Variants in AFF3 observed in about 807,000 individuals in gnomAD.
AFF3 encodes AF4/FMR2 family member 3.
Under a neutral mutation model 129.7 loss-of-function variants are expected in AFF3, and 32 were observed. The observed-to-expected ratio is 0.25, with a 90% CI of 0.19 to 0.33. AFF3 has a LOEUF of 0.33. Among genes scored for constraint, AFF3 ranks in the 10% least tolerant of loss-of-function variants. The pLI, the probability that AFF3 is intolerant of heterozygous loss-of-function variation, is 1.00. For missense variants in AFF3, 1,373 were observed against 1,592.0 expected, an observed-to-expected ratio of 0.86 and a Z score of 2.34; for synonymous variants, 644 against 635.4, an observed-to-expected ratio of 1.01 and a Z score of -0.20.
At chr2:99,822,026 A>G (rs1687726470) in intron 8 of AFF3, among the ~76,000 whole-genome samples, 1 of 152,164 alleles carries the variant, frequency 6.6e-6, no homozygotes, top group African/African-American at 2.4e-5. Context: ...TTTTGGAAAT[A>G]TTGATATTTT....
chr2:100,045,570 T>G (rs1559083730), intron 4 of AFF3, among the ~76,000 whole-genome samples: 3 of 151,890 alleles, frequency 2.0e-5, no homozygotes, highest in Non-Finnish European at 4.4e-5. Flanking sequence ...TTGTAGGTTT[T>G]TTTTTTTTTT....
intron 13 of AFF3, among the ~76,000 whole-genome samples, chr2:99,628,723 A>AT (rs3073407): frequency 1.9e-4 from 18 of 92,398 alleles, no homozygotes; most frequent in East Asian, 1.7e-3. Flanking sequence ...TGCTTGACTG[A>AT]TTTTTTTTTT....
At chr2:99,920,679 T>C (rs148232170) in intron 7 of AFF3, among the ~76,000 whole-genome samples, 321 of 152,076 alleles carry the variant, frequency 2.1e-3, no homozygotes, top group Non-Finnish European at 3.8e-3. Flanking sequence ...CAACATTGTA[T>C]TGGAGGTCCC....
chr2:100,079,071 C>G (rs1325814989), intron 4 of AFF3, among the ~76,000 whole-genome samples: 2 of 151,754 alleles, frequency 1.3e-5, no homozygotes, highest in Admixed American at 1.3e-4. Flanking sequence ...CTCAGCCTCC[C>G]GAGTAGCTGA....
At chr2:99,569,033 TTAAG>T (rs1290962742) in intron 18 of AFF3, 118 bp from the exon 19 acceptor site, 8 of 961,872 alleles carry the variant, frequency 8.3e-6, no homozygotes, top group African/African-American at 4.9e-5. Flanking sequence ...TAATGCGGAA[TTAAG>T]TGTGTTTTTT....
At chr2:99,869,272 A>G (rs1691677531) in intron 7 of AFF3, among the ~76,000 whole-genome samples, 2 of 152,214 alleles carry the variant, frequency 1.3e-5, no homozygotes, top group South Asian at 2.1e-4. Flanking sequence ...CTTCCCAGAA[A>G]ATACCCAACA....
chr2:99,902,040 T>G (rs1694380381), intron 7 of AFF3, among the ~76,000 whole-genome samples: 1 of 151,318 alleles, frequency 6.6e-6, no homozygotes, highest in African/African-American at 2.4e-5. Context: ...TGTAATTTTC[T>G]CCTACTTAGA....
Position 99,561,989 on chromosome 2 carries a change from C to T in AFF3, c.3120-1553G>A, listed in dbSNP as rs146989474. Among the ~76,000 whole-genome samples the T allele has an allele frequency of 5.0e-4, 76 of 152,272 alleles. 2 individuals carry two copies. The East Asian group carries it at 0.013, about 27-fold the overall frequency. On this transcript the variant is annotated intron_variant, in intron 20 of 24. Coordinates refer to ENST00000672756, the MANE Select transcript of AFF3 (RefSeq NM_001386135.1). The stretch of plus-strand genomic sequence containing the variant: ...TTCTTTGAACCCTTGGAAACTGTCA[C>T]GCCACTCCCTCCCAGCCTGCATGGT...
At chr2:100,082,854 G>A (rs1010877545) in intron 4 of AFF3, among the ~76,000 whole-genome samples, 2 of 152,164 alleles carry the variant, frequency 1.3e-5, no homozygotes, top group African/African-American at 4.8e-5. Context: ...GCCAAGGCAG[G>A]CAGATCACCT....
intron 8 of AFF3, among the ~76,000 whole-genome samples, chr2:99,831,410 A>C (rs1688510239): frequency 6.6e-6 from 1 of 152,254 alleles, no homozygotes; most frequent in Non-Finnish European, 1.5e-5. Flanking sequence ...AATAAAGTTA[A>C]CAAATGACAT....
chr2:100,041,592 T>C (rs532593008), intron 4 of AFF3, among the ~76,000 whole-genome samples: 21 of 152,300 alleles, frequency 1.4e-4, no homozygotes, highest in African/African-American at 5.1e-4. Context: ...TGCTGACGTG[T>C]CATATTTTGA....
rs749652366 is a variant in AFF3, at chr2:100,006,806, C to A, written c.699G>T (p.Ala233=). ...KPSLVQQKPT[A]YVRPMDGQDQ... ...CTTGGCCGTCCATTGGCCTCACATA[C>A]GCGGTCGGTTTCTGCTGGACCAGGC... The change falls in exon 7 of 25, where the codon GCG becomes GCT. Residue 233 remains alanine, a synonymous_variant. Coordinates refer to ENST00000672756, the MANE Select transcript of AFF3 (RefSeq NM_001386135.1). 1 of 1,614,094 alleles carries A rather than the reference C, an allele frequency of 6.2e-7. No individual in the cohort carries two copies. The highest frequency in any genetic ancestry group is 8.5e-7 in the Non-Finnish European group (1 of 1,180,052).
At chr2:100,086,329 TG>T (rs1689427943) in intron 4 of AFF3, among the ~76,000 whole-genome samples, 1 of 151,680 alleles carries the variant, frequency 6.6e-6, no homozygotes. Flanking sequence ...GAGACCATCC[TG>T]GCCAACAAGG....
At chr2:99,665,603 A>C (rs961312613) in intron 12 of AFF3, among the ~76,000 whole-genome samples, 8 of 152,258 alleles carry the variant, frequency 5.3e-5, no homozygotes, top group African/African-American at 1.7e-4. Flanking sequence ...ATCCAAGTGG[A>C]AAAGTAAAGT....
At chr2:99,934,682 G>T (rs1674361757) in intron 7 of AFF3, among the ~76,000 whole-genome samples, 1 of 152,172 alleles carries the variant, frequency 6.6e-6, no homozygotes, top group South Asian at 2.1e-4. Context: ...AGAAGCCACT[G>T]GGAAGGGGCA....
chr2:99,793,230 T>C (rs1685321123), intron 8 of AFF3, among the ~76,000 whole-genome samples: 1 of 152,212 alleles, frequency 6.6e-6, no homozygotes, highest in Non-Finnish European at 1.5e-5. Context: ...CAGCTCCCTC[T>C]CAATGTGACA....
At chr2:100,093,124 T>C (rs1453212930) in intron 4 of AFF3, among the ~76,000 whole-genome samples, 1 of 152,102 alleles carries the variant, frequency 6.6e-6, no homozygotes, top group Admixed American at 6.5e-5. Flanking sequence ...TTTTTCTTTC[T>C]GAGACAAGGT....
At position 99,866,847 on chromosome 2, in the gene AFF3, G is replaced by A. The variant is rs375099768; in HGVS notation, c.874-29323C>T. ...CAAAATTAGCTGGGTGTGGTGGCAC[G>A]CACCTCTAATCCCAGCTACTTGGGA... On this transcript the variant is annotated intron_variant, in intron 7 of 24. Coordinates refer to ENST00000672756, the MANE Select transcript of AFF3 (RefSeq NM_001386135.1). Among the ~76,000 whole-genome samples, 84 of 151,486 alleles carry A rather than the reference G, an allele frequency of 5.5e-4. 2 individuals carry two copies. The East Asian group carries it at 0.013, about 24-fold the overall frequency.
intron 11 of AFF3, among the ~76,000 whole-genome samples, chr2:99,675,932 T>C (rs1687565466): frequency 6.6e-6 from 1 of 150,818 alleles, no homozygotes; most frequent in Non-Finnish European, 1.5e-5. Flanking sequence ...AAAAGGAAGA[T>C]GCAAATTAAG....
Sources: gnomAD v4.1 joint callset for allele counts (sites outside exome capture counted in the v4.1 genomes callset) on GRCh38, gnomAD v4.1.1 for gene constraint, MANE v1.5 for transcripts, NCBI Gene and HGNC (gene_info 2026-07-23, HGNC 2026-07-21) for gene names.